The following PCSK9 variants were observed in gnomAD, a reference collection of about 807,000 sequenced individuals.
PCSK9 encodes convertase subtilisin/kexin type 9 preproprotein.
In PCSK9, 57 loss-of-function variants were observed where a neutral mutation model predicts 62.1. The ratio of observed to expected loss-of-function variants is 0.92; its 90% confidence interval spans 0.74 to 1.14. The LOEUF (loss-of-function observed/expected upper bound fraction) is 1.14, where lower values mean the gene tolerates loss of function less well. Ranked by LOEUF, PCSK9 falls within the 50% of genes most tolerant of loss-of-function variation. The pLI is 0.00. For synonymous variants in PCSK9, 387 were observed against 409.4 expected (o/e 0.95, Z 0.66); for missense variants, 870 against 959.8 (o/e 0.91, Z 1.24).
rs746529062 is a variant in PCSK9, at chr1:55,056,210, C to T, written c.996+21C>T. ...CCGAGGTAGGTGCTGGGGCTGCTGC[C>T]CCAAGGCGCGGGTAGGGGGCGGAGG... On this transcript the variant is annotated intron_variant, in intron 6 of 11. Transcript: ENST00000302118. 9 of 1,062,148 alleles carry T rather than the reference C, an allele frequency of 8.5e-6. No individual in the cohort carries two copies. The African/African-American group carries it at 9.3e-5, about 11-fold the overall frequency. 65.8% of individuals were successfully genotyped at this position (1,062,148 alleles called of 1,614,324 possible). A position where few individuals can be genotyped will look rare whatever the true frequency, so the allele number is the denominator to read the frequency against.
At chr1:55,061,845 C>T (rs1644762633) in intron 11 of PCSK9, among the ~76,000 whole-genome samples, 1 of 152,228 alleles carries the variant, frequency 6.6e-6, no homozygotes, top group African/African-American at 2.4e-5. Context: ...AATATGCATG[C>T]ATTTATTGAT....
Position 55,052,805 on chromosome 1 carries a change from C to T in PCSK9, c.799+14C>T. 6.2e-7 allele frequency: 1 copy of T among 1,612,920 alleles called. No individual in the cohort carries two copies. The highest frequency in any genetic ancestry group is 8.5e-7 in the Non-Finnish European group (1 of 1,179,910). ...GCACCCTCATAGGTAAGTGATGGCC[C>T]CAGACGCTGGTCTCTCTCCATCTGG... On this transcript the variant is annotated intron_variant, in intron 5 of 11. Coordinates refer to ENST00000302118, the MANE Select transcript of PCSK9 (RefSeq NM_174936.4).
At chr1:55,045,698 C>T (rs972248850) in intron 2 of PCSK9, among the ~76,000 whole-genome samples, 2 of 140,752 alleles carry the variant, frequency 1.4e-5, no homozygotes, top group Non-Finnish European at 3.1e-5. Flanking sequence ...AGATGCACAC[C>T]ATTTTTTTTT....
chr1:55,041,717 G>A (rs1407201043), intron 1 of PCSK9, among the ~76,000 whole-genome samples: 2 of 152,188 alleles, frequency 1.3e-5, no homozygotes, highest in South Asian at 2.1e-4. Context: ...CACCCCAGGT[G>A]CATTAGAACT....
chr1:55,063,324 C>CG (rs1644776532), intron 11 of PCSK9, 45 bp from the exon 12 acceptor site: 1 of 1,586,354 alleles, frequency 6.3e-7, no homozygotes, highest in Non-Finnish European at 8.6e-7. Context: ...GTGGGGGTCC[C>CG]GGGCCACGCT....
At chr1:55,063,317 G>A in intron 11 of PCSK9, 52 bp from the exon 12 acceptor site, 1 of 1,566,928 alleles carries the variant, frequency 6.4e-7, no homozygotes, top group South Asian at 1.2e-5. Flanking sequence ...AGTGTGGGTG[G>A]GGGTCCCGGG....
Position 55,058,538 on chromosome 1 carries a change from C to T in PCSK9, c.1394C>T (p.Ser465Leu), listed in dbSNP as rs778849441. ...LFCRTVWSAH[S>L]GPTRMATAVA... ...TGCAGGACTGTATGGTCAGCACACT[C>T]GGGGCCTACACGGATGGCCACAGCC... Residue 465 changes from serine to leucine, a missense_variant, in exon 9 of 12, where the codon TCG becomes TTG. By Grantham distance (145) the Ser-to-Leu change is moderately radical (BLOSUM62 -2). Coordinates refer to ENST00000302118, the MANE Select transcript of PCSK9 (RefSeq NM_174936.4). The T allele has an allele frequency of 6.8e-6, 11 of 1,612,178 alleles. No homozygotes were observed. Among genetic ancestry groups the T allele is most frequent in the Middle Eastern group, 2.3e-4 (1 of 4,438 alleles).
At chr1:55,055,941 G>A (rs868577465) in intron 5 of PCSK9, 52 bp from the exon 6 acceptor site, 5 of 1,512,808 alleles carry the variant, frequency 3.3e-6, no homozygotes, top group Non-Finnish European at 4.5e-6. Flanking sequence ...GGAGGGGCTG[G>A]GAAAGGGGAG....
chr1:55,053,305 CT>C (rs1047615057), intron 5 of PCSK9, among the ~76,000 whole-genome samples: 3 of 152,220 alleles, frequency 2.0e-5, no homozygotes, highest in East Asian at 1.9e-4. Flanking sequence ...AGCGGCCCCC[CT>C]ATGAAGTCCA....
Position 55,057,336 on chromosome 1 carries a change from C to T in PCSK9, c.1002C>T (p.Ile334=), listed in dbSNP as rs1252162207. ...LYSPASAPEV[I]TVGATNAQDQ... The stretch of plus-strand genomic sequence containing the variant: ...CCACCTCCTCACCTTTCCAGGTCAT[C>T]ACAGTTGGGGCCACCAATGCCCAAG... Residue 334 remains isoleucine (I), a synonymous_variant, in exon 7 of 12, where the codon ATC becomes ATT. Transcript: ENST00000302118. 1.9e-6 allele frequency: 3 copies of T among 1,613,772 alleles called. No homozygotes were observed. The highest frequency in any genetic ancestry group is 1.3e-5 in the African/African-American group (1 of 74,950).
At chr1:55,044,594 T>TA (rs1437117537) in intron 2 of PCSK9, among the ~76,000 whole-genome samples, 3 of 149,792 alleles carry the variant, frequency 2.0e-5, no homozygotes, top group Admixed American at 6.7e-5. Flanking sequence ...CTTCAAATCT[T>TA]AAAAAAACGT....
rs550549291 is a variant in PCSK9, at chr1:55,041,087, C to G, written c.207+1043C>G. On this transcript the variant is annotated intron_variant, in intron 1 of 11. Transcript: ENST00000302118. The stretch of plus-strand genomic sequence containing the variant: ...AAAAGGGAGGTGACAATCGTCCCTA[C>G]GGCTCAGTGGCAGCAGATGGGGAGA... Among the ~76,000 whole-genome samples, 4 of 152,296 alleles carry G rather than the reference C, an allele frequency of 2.6e-5. No individual in the cohort carries two copies. The South Asian group carries it at 8.3e-4, about 32-fold the overall frequency.
At chr1:55,043,388 AG>A (rs1434965256) in intron 1 of PCSK9, among the ~76,000 whole-genome samples, 4 of 152,092 alleles carry the variant, frequency 2.6e-5, no homozygotes, top group African/African-American at 9.7e-5. Context: ...CGAGAGGTTG[AG>A]TGACTTGCTC....
chr1:55,059,572 C>A lies in PCSK9; in HGVS notation c.1590C>A (p.Pro530=). Residue 530 remains proline, a synonymous_variant, in exon 10 of 12, where the codon CCC becomes CCA. Coordinates refer to ENST00000302118, the MANE Select transcript of PCSK9 (RefSeq NM_174936.4). ...VYAIARCCLL[P]QANCSVHTAP... The stretch of plus-strand genomic sequence containing the variant: ...CCATTGCCAGGTGCTGCCTGCTACC[C>A]CAGGCCAACTGCAGCGTCCACACAG... 1 of 1,555,390 alleles carries A rather than the reference C, an allele frequency of 6.4e-7. No homozygotes were observed. Among genetic ancestry groups the A allele is most frequent in the East Asian group, 2.4e-5 (1 of 41,716 alleles).
At chr1:55,053,342 G>T (rs639750) in intron 5 of PCSK9, among the ~76,000 whole-genome samples, 96,297 of 151,908 alleles carry the variant, frequency 0.63, 31,035 homozygotes, top group East Asian at 0.79. Context: ...TCTGGGGGCC[G>T]GTGGACAGAG....
chr1:55,055,483 GT>G (rs534072612), intron 5 of PCSK9, among the ~76,000 whole-genome samples: 3 of 152,322 alleles, frequency 2.0e-5, no homozygotes, highest in African/African-American at 7.2e-5. Context: ...AGGGCCCGGG[GT>G]TGGCTAGTTT....
At chr1:55,048,743 C>G (rs982994015) in intron 3 of PCSK9, among the ~76,000 whole-genome samples, 5 of 152,234 alleles carry the variant, frequency 3.3e-5, no homozygotes, top group African/African-American at 1.2e-4. Context: ...TTGCATACGT[C>G]ACTCACCCTC....
intron 11 of PCSK9, among the ~76,000 whole-genome samples, chr1:55,062,707 A>G (rs933523889): frequency 2.0e-5 from 3 of 152,156 alleles, no homozygotes; most frequent in Non-Finnish European, 4.4e-5. Context: ...GGGAATAGTT[A>G]TGAGATGGGG....
intron 10 of PCSK9, among the ~76,000 whole-genome samples, chr1:55,060,611 T>C (rs547246380): frequency 4.1e-4 from 63 of 152,112 alleles, no homozygotes; most frequent in Non-Finnish European, 8.4e-4. Flanking sequence ...ACGCTCCCCT[T>C]TGGAAGTGCT....
Sources: gnomAD v4.1 joint callset for allele counts (sites outside exome capture counted in the v4.1 genomes callset) on GRCh38, gnomAD v4.1.1 for gene constraint, MANE v1.5 for transcripts, NCBI Gene and HGNC (gene_info 2026-07-23, HGNC 2026-07-21) for gene names.